CTNND2: variants seen among roughly 807,000 people sequenced by gnomAD.
CTNND2 encodes catenin delta-2.
A neutral mutation model predicts 144.4 loss-of-function variants in CTNND2; 22 were observed. The observed-to-expected ratio is 0.15, with a 90% confidence interval of 0.11 to 0.22. CTNND2 has a LOEUF of 0.22. CTNND2 is among the 10% of genes least tolerant of loss of function. CTNND2 has a pLI of 1.00. For synonymous variants in CTNND2, 751 were observed against 695.6 expected, an observed-to-expected ratio of 1.08 and a Z score of -1.25; for missense variants, 1,353 against 1,618.8, an observed-to-expected ratio of 0.84 and a Z score of 2.82.
intron 1 of CTNND2, among the ~76,000 whole-genome samples, chr5:11,741,632 T>C (rs539548367): frequency 6.6e-6 from 1 of 151,986 alleles, no homozygotes; most frequent in East Asian, 1.9e-4. Context: ...GTCGAGTTGA[T>C]GGGTGTAGCA....
chr5:11,365,179 T>G (rs1232355782), intron 7 of CTNND2, among the ~76,000 whole-genome samples: 1 of 152,226 alleles, frequency 6.6e-6, no homozygotes. Flanking sequence ...ACCTAATGAA[T>G]GTAGCTAGGT....
chr5:11,461,909 T>C (rs1215418952), intron 3 of CTNND2, among the ~76,000 whole-genome samples: 4 of 152,160 alleles, frequency 2.6e-5, no homozygotes, highest in African/African-American at 9.7e-5. Context: ...GTTTTGTTCA[T>C]ATTGCTGTTT....
intron 1 of CTNND2, among the ~76,000 whole-genome samples, chr5:11,876,743 C>G (rs1314744818): frequency 6.6e-6 from 1 of 152,112 alleles, no homozygotes; most frequent in East Asian, 1.9e-4. Context: ...TAAGTTTATA[C>G]ATTAGGCGCT....
intron 16 of CTNND2, among the ~76,000 whole-genome samples, chr5:11,072,949 G>A (rs1034353294): frequency 3.3e-5 from 5 of 152,182 alleles, no homozygotes; most frequent in Admixed American, 1.3e-4. Context: ...CAGCACCACT[G>A]GCCCATCTGA....
At chr5:11,888,339 T>C (rs948855458) in intron 1 of CTNND2, among the ~76,000 whole-genome samples, 1 of 152,214 alleles carries the variant, frequency 6.6e-6, no homozygotes, top group African/African-American at 2.4e-5. Flanking sequence ...TATTTCCCTG[T>C]GGCAGAGAGT....
chr5:11,630,188 A>T (rs1435108684), intron 2 of CTNND2, among the ~76,000 whole-genome samples: 1 of 152,192 alleles, frequency 6.6e-6, no homozygotes, highest in African/African-American at 2.4e-5. Context: ...TGCATAGTTC[A>T]CCATGTGCTA....
chr5:11,501,593 C>T (rs979766834), intron 3 of CTNND2, among the ~76,000 whole-genome samples: 5 of 152,122 alleles, frequency 3.3e-5, no homozygotes, highest in African/African-American at 9.7e-5. Flanking sequence ...TTTACGTTGT[C>T]GCTCCCCAAA....
At chr5:11,271,675 A>C (rs914027099) in intron 9 of CTNND2, among the ~76,000 whole-genome samples, 3 of 152,194 alleles carry the variant, frequency 2.0e-5, no homozygotes, top group African/African-American at 7.2e-5. Context: ...GGCTTAGATG[A>C]TACGCTGCAA....
Position 11,060,393 on chromosome 5 carries a change from G to C in CTNND2, c.2788+22303C>G, listed in dbSNP as rs115684267. 2.0e-5 allele frequency among the ~76,000 whole-genome samples: 3 copies of C among 152,060 alleles called. No homozygotes were observed. In the East Asian group the frequency reaches 5.8e-4, roughly 29 times the overall value. Reference sequence around the variant, plus strand: ...TTCATCAAGTCCCAGAAGCCATATAGTAAAGGATGACTACACACACACACA... The same window carrying C: ...TTCATCAAGTCCCAGAAGCCATATACTAAAGGATGACTACACACACACACA... On this transcript the variant is annotated intron_variant, in intron 16 of 21. Transcript: ENST00000304623.
intron 5 of CTNND2, among the ~76,000 whole-genome samples, chr5:11,399,532 A>G (rs966793941): frequency 1.3e-5 from 2 of 152,236 alleles, no homozygotes; most frequent in Non-Finnish European, 2.9e-5. Context: ...AAACTTACAA[A>G]TGCTGTCTGT....
chr5:11,497,790 A>G (rs1179774126), intron 3 of CTNND2, among the ~76,000 whole-genome samples: 1 of 152,010 alleles, frequency 6.6e-6, no homozygotes, highest in African/African-American at 2.4e-5. Flanking sequence ...TGGTTTTGTG[A>G]TGAACTGTAC....
intron 2 of CTNND2, among the ~76,000 whole-genome samples, chr5:11,683,964 G>A (rs1211402952): frequency 6.6e-6 from 1 of 152,182 alleles, no homozygotes; most frequent in Non-Finnish European, 1.5e-5. Context: ...GACAGTAAAA[G>A]TGCTAGGATT....
chr5:11,427,540 A>G (rs1011947084), intron 3 of CTNND2, among the ~76,000 whole-genome samples: 4 of 152,064 alleles, frequency 2.6e-5, no homozygotes, highest in Non-Finnish European at 5.9e-5. Flanking sequence ...TCAGCCTCTC[A>G]AAGTGCTAAG....
intron 9 of CTNND2, among the ~76,000 whole-genome samples, chr5:11,237,635 G>A (rs976368877): frequency 7.2e-5 from 11 of 152,074 alleles, no homozygotes; most frequent in African/African-American, 2.4e-4. Flanking sequence ...CAAATAGCTG[G>A]GGTTACAGGC....
chr5:11,204,542 C>T (rs1460444228), intron 10 of CTNND2, among the ~76,000 whole-genome samples: 1 of 152,072 alleles, frequency 6.6e-6, no homozygotes, highest in Non-Finnish European at 1.5e-5. Context: ...GCAAGTAATG[C>T]AATAGCACCT....
intron 10 of CTNND2, among the ~76,000 whole-genome samples, chr5:11,217,527 C>G (rs974775021): frequency 2.0e-5 from 3 of 152,134 alleles, no homozygotes; most frequent in Admixed American, 1.3e-4. Flanking sequence ...GCAGAGAGAC[C>G]TGAATTCTGA....
chr5:11,365,380 A>G (rs867395950), intron 7 of CTNND2, among the ~76,000 whole-genome samples: 3 of 152,240 alleles, frequency 2.0e-5, no homozygotes, highest in African/African-American at 7.2e-5. Flanking sequence ...GGAAAAGGAT[A>G]AAGCAAAATG....
At chr5:11,497,512 GGGGGGGT>G (rs201254961) in intron 3 of CTNND2, among the ~76,000 whole-genome samples, 1,011 of 84,302 alleles carry the variant, frequency 0.012, 141 homozygotes, top group Middle Eastern at 0.021. Context: ...AATGATGTGC[GGGGGGGT>G]GGGGGGGGGC....
At chr5:11,081,878 G>A (rs1749616216) in intron 16 of CTNND2, among the ~76,000 whole-genome samples, 1 of 152,158 alleles carries the variant, frequency 6.6e-6, no homozygotes, top group Non-Finnish European at 1.5e-5. Flanking sequence ...CCTTTGGGGT[G>A]ATGAAAATGT....
Sources: gnomAD v4.1 joint callset for allele counts (sites outside exome capture counted in the v4.1 genomes callset) on GRCh38, gnomAD v4.1.1 for gene constraint, MANE v1.5 for transcripts, NCBI Gene and HGNC (gene_info 2026-07-23, HGNC 2026-07-21) for gene names.